Variants in CMTM4 observed in about 807,000 individuals in gnomAD.
The protein encoded by CMTM4 is CKLF-like MARVEL transmembrane domain-containing protein 4.
Under a neutral mutation model 19.0 loss-of-function variants are expected in CMTM4, and 8 were observed. The ratio of observed to expected loss-of-function variants is 0.42; its 90% CI spans 0.25 to 0.76. CMTM4 has a LOEUF of 0.76. Among genes scored for constraint, CMTM4 ranks in the 30% least tolerant of loss-of-function variants. CMTM4 has a pLI of 0.27. For synonymous variants in CMTM4, 106 were observed against 121.1 expected (o/e 0.88, Z 0.82); for missense variants, 228 against 290.2 (o/e 0.79, Z 1.56).
At chr16:66,683,756 A>T (rs2016984923) in intron 1 of CMTM4, among the ~76,000 whole-genome samples, 1 of 151,594 alleles carries the variant, frequency 6.6e-6, no homozygotes. Context: ...AAGCAGGGTG[A>T]CAGGGGTCAA....
intron 1 of CMTM4, among the ~76,000 whole-genome samples, chr16:66,644,050 G>C (rs545336457): frequency 6.6e-6 from 1 of 152,238 alleles, no homozygotes; most frequent in South Asian, 2.1e-4. Flanking sequence ...CACCGCCCCC[G>C]GCCAACAGCC....
intron 1 of CMTM4, among the ~76,000 whole-genome samples, chr16:66,678,283 G>A (rs1253268740): frequency 2.0e-5 from 3 of 152,310 alleles, no homozygotes; most frequent in South Asian, 2.1e-4. Flanking sequence ...GCAACCCGGA[G>A]ATGCAGGGCT....
chr16:66,632,903 A>G (rs1367543275), intron 2 of CMTM4, among the ~76,000 whole-genome samples: 1 of 151,524 alleles, frequency 6.6e-6, no homozygotes, highest in African/African-American at 2.4e-5. Context: ...ACCAACATGG[A>G]GAAACCCCCT....
In CMTM4 at chr16:66,622,636, T is replaced by C. The variant is rs1379565792; in HGVS notation, c.463-414A>G. Reference sequence around the variant, plus strand: ...GGGCCTCTGGTCCCAGATGAGAAAATACAGTGCAGACAAAATGTAACATAG... The same window carrying C: ...GGGCCTCTGGTCCCAGATGAGAAAACACAGTGCAGACAAAATGTAACATAG... On this transcript the variant is annotated intron_variant, in intron 3 of 3. Transcript: ENST00000394106. The surrounding 1 kb of genome is among the most constrained non-coding windows in gnomAD (Gnocchi z 4.0). Among the ~76,000 whole-genome samples the C allele has an allele frequency of 6.6e-6, 1 of 152,120 alleles. No individual in the cohort carries two copies. The highest frequency in any genetic ancestry group is 1.5e-5 in the Non-Finnish European group (1 of 68,034).
In CMTM4 at chr16:66,620,593, C is replaced by T. The variant is rs1248560729; in HGVS notation, c.*1465G>A. On this transcript the variant is annotated 3_prime_UTR_variant, in exon 4 of 4. Coordinates refer to ENST00000394106, the MANE Select transcript of CMTM4 (RefSeq NM_181521.3). ...TTGCACAGACCCCCCGCCGCCCCCT[C>T]GGAGTTATTTATTACACAGTACGCT... is the stretch of plus-strand genomic sequence containing the variant. 2.2e-5 allele frequency: 22 copies of T among 985,472 alleles called. No individual in the cohort carries two copies. Among genetic ancestry groups the T allele is most frequent in the Non-Finnish European group, 2.3e-5 (19 of 829,992 alleles). 61.0% of individuals were successfully genotyped at this position (985,472 alleles called of 1,614,324 possible). A position where few individuals can be genotyped will look rare whatever the true frequency, so the allele number is the denominator to read the frequency against.
At chr16:66,647,818 A>C (rs558003509) in intron 1 of CMTM4, among the ~76,000 whole-genome samples, 59 of 152,072 alleles carry the variant, frequency 3.9e-4, no homozygotes, top group Non-Finnish European at 7.4e-4. Flanking sequence ...TTACAGGTGC[A>C]CGCCACCACA....
In CMTM4 at chr16:66,618,129, T is replaced by G; in HGVS notation, c.*3929A>C. On this transcript the variant is annotated 3_prime_UTR_variant, in exon 4 of 4. Transcript: ENST00000394106. ...TGGAAAAAACCCTGGATTCTGCAAC[T>G]TCACTAGGAAATAACAAGGCACCTA... 1.0e-6 allele frequency: 1 copy of G among 985,438 alleles called. No individual in the cohort carries two copies. Among genetic ancestry groups the G allele is most frequent in the Non-Finnish European group, 1.2e-6 (1 of 829,950 alleles). 61.0% of individuals were successfully genotyped at this position (985,438 alleles called of 1,614,324 possible). A position where few individuals can be genotyped will look rare whatever the true frequency, so the allele number is the denominator to read the frequency against.
intron 1 of CMTM4, among the ~76,000 whole-genome samples, chr16:66,652,157 T>C (rs766249629): frequency 2.0e-5 from 3 of 152,160 alleles, no homozygotes; most frequent in Admixed American, 6.5e-5. Context: ...AAGTTCCTCA[T>C]TGTTGACAAG....
At chr16:66,604,103 A>T in the CMTM4 span, 1 of 152,920 alleles carries the variant, frequency 6.5e-6, no homozygotes, top group Non-Finnish European at 1.4e-5. Flanking sequence ...GAAGTCCTGC[A>T]GATGTGCGTG....
intron 2 of CMTM4, among the ~76,000 whole-genome samples, chr16:66,634,113 T>C (rs1284141735): frequency 2.6e-5 from 4 of 151,994 alleles, no homozygotes; most frequent in South Asian, 2.1e-4. Context: ...ATGATTAAAA[T>C]AGAAAAAGCA....
chr16:66,623,843 C>G (rs1253553682), intron 2 of CMTM4, among the ~76,000 whole-genome samples: 1 of 152,298 alleles, frequency 6.6e-6, no homozygotes, highest in Non-Finnish European at 1.5e-5. Context: ...GGACAAAGCT[C>G]CCCAAGGATC....
At chr16:66,682,190 T>A (rs2016927880) in intron 1 of CMTM4, among the ~76,000 whole-genome samples, 1 of 152,168 alleles carries the variant, frequency 6.6e-6, no homozygotes, top group Non-Finnish European at 1.5e-5. Flanking sequence ...ATGGATTTTT[T>A]AAAAAGGGGT....
intron 2 of CMTM4, among the ~76,000 whole-genome samples, chr16:66,626,917 C>T (rs59767634): frequency 2.4e-4 from 37 of 151,960 alleles, no homozygotes; most frequent in African/African-American, 8.2e-4. Flanking sequence ...CTGGGCAACA[C>T]AGCAAAACCC....
chr16:66,620,447 G>A lies in CMTM4; in HGVS notation c.*1611C>T. 3.0e-6 allele frequency: 3 copies of A among 985,490 alleles called. No individual in the cohort carries two copies. Among genetic ancestry groups the A allele is most frequent in the Non-Finnish European group, 3.6e-6 (3 of 829,978 alleles). 61.0% of individuals were successfully genotyped at this position (985,490 alleles called of 1,614,324 possible). On this transcript the variant is annotated 3_prime_UTR_variant, in exon 4 of 4. Transcript: ENST00000394106. ...CTCAGATCGTACTGAAGGTGTTGGT[G>A]CAGGAAGCTAACCCCAACTCCGACC...
intron 1 of CMTM4, among the ~76,000 whole-genome samples, chr16:66,685,313 GGATGCGA>G (rs1324620939): frequency 1.3e-5 from 2 of 152,064 alleles, no homozygotes; most frequent in African/African-American, 4.8e-5. Flanking sequence ...CCAGAAACAA[GGATGCGA>G]GAGTCAGTGA....
At chr16:66,613,004 G>A, downstream of CMTM4, 1 of 701,716 alleles carries the variant, frequency 1.4e-6, no homozygotes, top group Non-Finnish European at 2.6e-6. Context: ...GGGGTCGGGG[G>A]TCTTCTGTTT....
the CMTM4 span, among the ~76,000 whole-genome samples, chr16:66,608,045 C>A: frequency 3.3e-5 from 5 of 152,228 alleles, no homozygotes; most frequent in East Asian, 9.7e-4. This position sits in a 1 kb window ranked among gnomAD's most constrained non-coding sequence, Gnocchi z 5.1. Flanking sequence ...GAGGTTTTGC[C>A]ATGTTGCCCA....
chr16:66,605,198 G>A, the CMTM4 span: 3 of 381,132 alleles, frequency 7.9e-6, no homozygotes, highest in Middle Eastern at 7.0e-4. The surrounding 1 kb of genome is among the most constrained non-coding windows in gnomAD (Gnocchi z 4.6). Flanking sequence ...AGAGCTGGGG[G>A]CCGTGGGAAG....
Position 66,621,774 on chromosome 16 carries a change from C to A in CMTM4, c.*284G>T. ...GTTACAAATACACACGACAAGGTGG[C>A]TCAGAGTCAAAGGAAGCCTGTGCTT... On this transcript the variant is annotated 3_prime_UTR_variant, in exon 4 of 4. Coordinates refer to ENST00000394106, the MANE Select transcript of CMTM4 (RefSeq NM_181521.3). The A allele has an allele frequency of 1.6e-6, 2 of 1,264,976 alleles. No individual in the cohort carries two copies. The highest frequency in any genetic ancestry group is 3.3e-5 in the East Asian group (1 of 29,946). The allele number at this position is 1,264,976 out of a possible 1,614,324, so 78.4% of individuals were successfully genotyped here.
Sources: allele counts gnomAD v4.1 joint callset (sites outside exome capture counted in the v4.1 genomes callset), GRCh38; gene constraint gnomAD v4.1.1; non-coding constraint Gnocchi (gnomAD v3.1); transcripts MANE v1.5; gene names NCBI Gene and HGNC (gene_info 2026-07-23, HGNC 2026-07-21).